The following DAPK2 variants were observed in gnomAD, a reference collection of about 807,000 sequenced individuals.
DAPK2 encodes the protein death-associated protein kinase 2.
A neutral mutation model predicts 44.1 loss-of-function variants in DAPK2; 35 were observed. That is an observed-to-expected ratio of 0.79 (90% confidence interval 0.61 to 1.05). The LOEUF (loss-of-function observed/expected upper bound fraction) is 1.05, where lower values mean the gene tolerates loss of function less well. Ranked by LOEUF, DAPK2 falls within the 50% of genes least tolerant of loss-of-function variation. The probability of loss-of-function intolerance (pLI) is 0.00; values close to 1 mark genes in which losing one functional copy is unlikely to be tolerated. For synonymous variants in DAPK2, 174 were observed against 182.6 expected (o/e 0.95, Z 0.38); for missense variants, 453 against 483.2 (o/e 0.94, Z 0.59).
chr15:63,979,337 T>G (rs2078439553), intron 2 of DAPK2, among the ~76,000 whole-genome samples: 1 of 152,104 alleles, frequency 6.6e-6, no homozygotes, highest in Non-Finnish European at 1.5e-5. Flanking sequence ...ACAGATGGGA[T>G]AATAACAACT....
intron 1 of DAPK2, among the ~76,000 whole-genome samples, chr15:64,023,218 C>T (rs79792839): frequency 5.3e-4 from 81 of 152,322 alleles, no homozygotes; most frequent in African/African-American, 1.8e-3. Context: ...AGAACAGGCT[C>T]GCCCAACCCT....
At chr15:63,942,290 C>A (rs1362687034) in intron 3 of DAPK2, 5 of 983,272 alleles carry the variant, frequency 5.1e-6, no homozygotes. Context: ...GTGGCTCACA[C>A]ATGTAATCCT....
upstream of DAPK2, among the ~76,000 whole-genome samples, chr15:64,042,668 C>A (rs899603478): frequency 1.3e-5 from 2 of 152,226 alleles, no homozygotes; most frequent in African/African-American, 4.8e-5. The surrounding 1 kb of genome is among the most constrained non-coding windows in gnomAD (Gnocchi z 4.7). Context: ...GTTAGGCTTT[C>A]GCTCATCTTT....
At position 63,990,800 on chromosome 15, in the gene DAPK2, G is replaced by A. The variant is rs1414804703; in HGVS notation, c.93-7046C>T. On this transcript the variant is annotated intron_variant, in intron 1 of 10. Coordinates refer to ENST00000261891, the Ensembl canonical transcript of DAPK2. The surrounding 1 kb of genome is among the most constrained non-coding windows in gnomAD (Gnocchi z 4.3). The stretch of plus-strand genomic sequence containing the variant: ...ATAATGCTTAGGAACTTCCAGCCAA[G>A]GACCTTCAGCCAATGTGTCTCAAAG... 6.6e-6 allele frequency among the ~76,000 whole-genome samples: 1 copy of A among 152,190 alleles called. No homozygotes were observed. Among genetic ancestry groups the A allele is most frequent in the Non-Finnish European group, 1.5e-5 (1 of 68,042 alleles).
intron 1 of DAPK2, among the ~76,000 whole-genome samples, chr15:64,018,697 T>G (rs2079602704): frequency 6.6e-6 from 1 of 152,222 alleles, no homozygotes; most frequent in African/African-American, 2.4e-5. Context: ...GGATCCTACC[T>G]GTAGCTACTC....
At chr15:64,005,136 T>C (rs1465778234) in intron 1 of DAPK2, among the ~76,000 whole-genome samples, 3 of 152,038 alleles carry the variant, frequency 2.0e-5, no homozygotes, top group African/African-American at 4.8e-5. Flanking sequence ...GATTGTGGGT[T>C]TGACAAGACA....
chr15:63,937,900 G>A (rs2077206736), intron 4 of DAPK2, among the ~76,000 whole-genome samples: 1 of 152,164 alleles, frequency 6.6e-6, no homozygotes, highest in Non-Finnish European at 1.5e-5. Context: ...TGTGCCCCAG[G>A]TTTAAGTTGG....
chr15:63,976,903 T>A (rs2078365241), intron 2 of DAPK2, among the ~76,000 whole-genome samples: 1 of 152,346 alleles, frequency 6.6e-6, no homozygotes, highest in African/African-American at 2.4e-5. Flanking sequence ...ATGTATGTGG[T>A]TCACATTACA....
At position 63,980,415 on chromosome 15, in the gene DAPK2, G is replaced by A. The variant is rs987320045; in HGVS notation, c.314+3118C>T. Among the ~76,000 whole-genome samples, 5 of 152,100 alleles carry A rather than the reference G, an allele frequency of 3.3e-5. No homozygotes were observed. The highest frequency in any genetic ancestry group is 1.2e-4 in the African/African-American group (5 of 41,400). On this transcript the variant is annotated intron_variant, in intron 2 of 10. Coordinates refer to ENST00000261891, the Ensembl canonical transcript of DAPK2. The surrounding 1 kb of genome is among the most constrained non-coding windows in gnomAD (Gnocchi z 4.3). Reference sequence around the variant, plus strand: ...TAAAGATCAATAAATAATGAAACACGTTTCAAAACAAATGACCCAGGGCTG... The same window carrying A: ...TAAAGATCAATAAATAATGAAACACATTTCAAAACAAATGACCCAGGGCTG...
chr15:63,933,013 C>T (rs879866874), intron 4 of DAPK2, among the ~76,000 whole-genome samples: 3 of 152,152 alleles, frequency 2.0e-5, no homozygotes, highest in Non-Finnish European at 4.4e-5. Flanking sequence ...ATTATTGAAA[C>T]GACATTGCTA....
chr15:63,974,278 A>G (rs1031317287), intron 2 of DAPK2, among the ~76,000 whole-genome samples: 3 of 152,258 alleles, frequency 2.0e-5, no homozygotes, highest in Admixed American at 2.0e-4. Context: ...TTCTGAGCCA[A>G]ATATGAGTGC....
chr15:64,040,372 T>A, upstream of DAPK2: 1 of 840,708 alleles, frequency 1.2e-6, no homozygotes, highest in Non-Finnish European at 2.0e-6. Context: ...AATAATTTAG[T>A]AATAATCCAC....
At chr15:63,946,073 C>A (rs2077442131) in intron 3 of DAPK2, among the ~76,000 whole-genome samples, 1 of 152,260 alleles carries the variant, frequency 6.6e-6, no homozygotes, top group African/African-American at 2.4e-5. Flanking sequence ...GGGTCACATT[C>A]CCACAGGTGC....
intron 1 of DAPK2, among the ~76,000 whole-genome samples, chr15:63,987,216 C>T (rs2078690401): frequency 6.6e-6 from 1 of 152,178 alleles, no homozygotes. Context: ...GTATGCCCAT[C>T]AGAGGGCCCA....
At position 63,912,062 on chromosome 15, in the gene DAPK2, G is replaced by T; in HGVS notation, c.948+46C>A. On this transcript the variant is annotated intron_variant, in intron 9 of 10. Transcript: ENST00000261891. The surrounding 1 kb of genome is among the most constrained non-coding windows in gnomAD (Gnocchi z 4.4). The stretch of plus-strand genomic sequence containing the variant: ...GAGACCCTGGAGAGCCAGAAACCCC[G>T]CCCTAGCCCCCACCCTGTCCCCCGC... 1 of 1,010,592 alleles carries T rather than the reference G, an allele frequency of 9.9e-7. No homozygotes were observed. The highest frequency in any genetic ancestry group is 1.6e-5 in the African/African-American group (1 of 63,674). 62.6% of individuals were successfully genotyped at this position (1,010,592 alleles called of 1,614,324 possible).
intron 6 of DAPK2, chr15:63,928,620 A>T (rs2079392953): frequency 6.6e-6 from 1 of 151,986 alleles, no homozygotes; most frequent in South Asian, 2.1e-4. Context: ...TGTGATTCCT[A>T]TTTTTCTCAT....
chr15:63,930,425 C>G (rs1168378918), exon 5 of DAPK2: 1 of 1,614,190 alleles, frequency 6.2e-7, no homozygotes, highest in Non-Finnish European at 8.5e-7. Flanking sequence ...AGCCTCCAGA[C>G]CCAGGGGCTC....
chr15:63,938,468 T>C (rs551365450), intron 4 of DAPK2, among the ~76,000 whole-genome samples: 180 of 152,340 alleles, frequency 1.2e-3, no homozygotes, highest in Non-Finnish European at 7.3e-4. Context: ...AGGTGGTTGG[T>C]CTGACACATT....
In DAPK2 at chr15:63,939,725, T is replaced by C. The variant is rs759036690; in HGVS notation, c.454-364A>G. ...AATGAGATACTTGCAGCATTTCCTG[T>C]AAACAAACCCAGCACTGCTGTGTGG... On this transcript the variant is annotated intron_variant, in intron 3 of 10. Coordinates refer to ENST00000261891, the Ensembl canonical transcript of DAPK2. The surrounding 1 kb of genome is among the most constrained non-coding windows in gnomAD (Gnocchi z 4.3). 2.6e-5 allele frequency among the ~76,000 whole-genome samples: 4 copies of C among 152,176 alleles called. No homozygotes were observed. Among genetic ancestry groups the C allele is most frequent in the Non-Finnish European group, 5.9e-5 (4 of 68,024 alleles).
Sources: gnomAD v4.1 joint callset for allele counts (sites outside exome capture counted in the v4.1 genomes callset) on GRCh38, gnomAD v4.1.1 for gene constraint, Gnocchi (gnomAD v3.1) non-coding constraint, MANE v1.5 for transcripts, NCBI Gene and HGNC (gene_info 2026-07-23, HGNC 2026-07-21) for gene names.